PCDHGA3: variants seen among roughly 807,000 people sequenced by gnomAD.
The protein encoded by PCDHGA3 is protocadherin gamma subfamily A, 3.
In PCDHGA3, 40 loss-of-function variants were observed where a neutral mutation model predicts 58.5. The observed-to-expected ratio is 0.68, with a 90% CI of 0.53 to 0.89. The LOEUF is 0.89. Among genes scored for constraint, PCDHGA3 ranks in the 40% least tolerant of loss-of-function variants. PCDHGA3 has a pLI of 0.00. For missense variants in PCDHGA3, 1,223 were observed against 1,195.9 expected (o/e 1.02, Z -0.33); for synonymous variants, 530 against 525.7 (o/e 1.01, Z -0.11).
Position 141,477,464 on chromosome 5 carries a change from A to G in PCDHGA3, c.2425-17343A>G. The G allele has an allele frequency of 1.2e-6, 2 of 1,614,188 alleles. No homozygotes were observed. The highest frequency in any genetic ancestry group is 1.7e-6 in the Non-Finnish European group (2 of 1,180,034). On this transcript the variant is annotated intron_variant, in intron 1 of 3. Coordinates refer to ENST00000253812, the MANE Select transcript of PCDHGA3 (RefSeq NM_018916.4). This position sits in a 1 kb window ranked among gnomAD's most constrained non-coding sequence, Gnocchi z 4.9. ...AATAGTGCGTGTTCAAGTGTCCGAC[A>G]TCAATGACAACCCTCCACAATCTTC...
At chr5:141,420,713 G>T (rs1406572601) in intron 1 of PCDHGA3, among the ~76,000 whole-genome samples, 1 of 152,078 alleles carries the variant, frequency 6.6e-6, no homozygotes, top group African/African-American at 2.4e-5. Flanking sequence ...CAGAAATGTC[G>T]TTCCTTTCAG....
intron 1 of PCDHGA3, chr5:141,398,705 A>G (rs778909536): frequency 6.2e-7 from 1 of 1,613,874 alleles, no homozygotes; most frequent in Admixed American, 1.7e-5. Flanking sequence ...AAATACCCGG[A>G]ACTGGCACTG....
intron 1 of PCDHGA3, chr5:141,403,610 C>T: frequency 6.2e-7 from 1 of 1,613,860 alleles, no homozygotes; most frequent in Non-Finnish European, 8.5e-7. Context: ...TGGCGGCGAG[C>T]CGCGTCGCTC....
At chr5:141,383,967 C>G in intron 1 of PCDHGA3, 1 of 1,613,458 alleles carries the variant, frequency 6.2e-7, no homozygotes, top group Non-Finnish European at 8.5e-7. Context: ...GTAGCTCAAT[C>G]CCTGAAGACA....
chr5:141,385,708 A>C (rs1342579594), intron 1 of PCDHGA3: 1 of 259,588 alleles, frequency 3.9e-6, no homozygotes, highest in Non-Finnish European at 6.2e-6. Context: ...TTAGCATTCA[A>C]ATATGTAAAA....
intron 1 of PCDHGA3, among the ~76,000 whole-genome samples, chr5:141,407,684 G>C (rs2094967978): frequency 6.6e-6 from 1 of 152,094 alleles, no homozygotes; most frequent in South Asian, 2.1e-4. Flanking sequence ...GATTGGCTTT[G>C]TGGTGATCAT....
At chr5:141,360,150 A>T in intron 1 of PCDHGA3, 1 of 1,602,638 alleles carries the variant, frequency 6.2e-7, no homozygotes, top group Admixed American at 1.7e-5. Flanking sequence ...AAGCGAGCTC[A>T]GGGAGGTGCG....
chr5:141,481,676 G>T (rs975849679), intron 1 of PCDHGA3, among the ~76,000 whole-genome samples: 1 of 152,028 alleles, frequency 6.6e-6, no homozygotes, highest in Non-Finnish European at 1.5e-5. Flanking sequence ...AAATCAGGCC[G>T]GGCCTGGTGG....
At position 141,494,788 on chromosome 5, in the gene PCDHGA3, C is replaced by T. The variant is rs2099756942; in HGVS notation, c.2425-19C>T. The T allele has an allele frequency of 6.2e-7, 1 of 1,614,116 alleles. No homozygotes were observed. The highest frequency in any genetic ancestry group is 8.5e-7 in the Non-Finnish European group (1 of 1,180,000). On this transcript the variant is annotated intron_variant, in intron 1 of 3. Transcript: ENST00000253812. ...CTTCTCACGGGTACTCAGCCCCTTTCCCTCTGTTTTCTCCACAGCAAGCCC... is the reference window on the plus strand; with the variant it reads ...CTTCTCACGGGTACTCAGCCCCTTTTCCTCTGTTTTCTCCACAGCAAGCCC...
At chr5:141,372,270 G>A in intron 1 of PCDHGA3, 1 of 1,613,182 alleles carries the variant, frequency 6.2e-7, no homozygotes, top group African/African-American at 1.3e-5. Flanking sequence ...CACGGGTGAG[G>A]TGCGCACGGC....
Position 141,410,699 on chromosome 5 carries a change from A to C in PCDHGA3, c.2424+64242A>C, listed in dbSNP as rs760193148. On this transcript the variant is annotated intron_variant, in intron 1 of 3. Transcript: ENST00000253812. ...ATTTTAGGCATACTACTTTATTTTC[A>C]TATCTAGAATCATATGTTTAAAATC... The C allele has an allele frequency of 2.0e-6, 3 of 1,478,344 alleles. No homozygotes were observed. In the South Asian group the frequency reaches 4.0e-5, roughly 20 times the overall value. The allele number at this position is 1,478,344 out of a possible 1,614,324, so 91.6% of individuals were successfully genotyped here. A position where few individuals can be genotyped will look rare whatever the true frequency, so the allele number is the denominator to read the frequency against.
intron 1 of PCDHGA3, chr5:141,355,109 T>C: frequency 2.0e-6 from 3 of 1,508,382 alleles, no homozygotes; most frequent in Non-Finnish European, 2.7e-6. Context: ...TGGCTGTGAA[T>C]GCACTTTATT....
chr5:141,357,547 G>C, intron 1 of PCDHGA3: 1 of 1,614,214 alleles, frequency 6.2e-7, no homozygotes, highest in Non-Finnish European at 8.5e-7. Flanking sequence ...CATCAGCCGG[G>C]AGAGTTGTGA....
At chr5:141,482,555 T>C (rs1419129474) in intron 1 of PCDHGA3, among the ~76,000 whole-genome samples, 1 of 116,392 alleles carries the variant, frequency 8.6e-6, no homozygotes, top group African/African-American at 3.8e-5. Context: ...AAAAAGATAA[T>C]GGAGATCTGC....
At chr5:141,450,772 C>T (rs544188262) in intron 1 of PCDHGA3, among the ~76,000 whole-genome samples, 1 of 151,944 alleles carries the variant, frequency 6.6e-6, no homozygotes, top group African/African-American at 2.4e-5. Flanking sequence ...CAGGCATGAG[C>T]CACCGTGCCC....
At chr5:141,454,123 C>CT (rs1273558932) in intron 1 of PCDHGA3, among the ~76,000 whole-genome samples, 5 of 152,194 alleles carry the variant, frequency 3.3e-5, no homozygotes, top group Non-Finnish European at 7.3e-5. Flanking sequence ...GAAGAAATAG[C>CT]TGACCATGGG....
chr5:141,360,446 T>C, intron 1 of PCDHGA3: 1 of 1,614,014 alleles, frequency 6.2e-7, no homozygotes, highest in Non-Finnish European at 8.5e-7. Flanking sequence ...CTGTGTGTTC[T>C]GGATTTCGAT....
intron 1 of PCDHGA3, chr5:141,409,205 A>C (rs766592481): frequency 1.2e-6 from 2 of 1,614,068 alleles, no homozygotes; most frequent in Non-Finnish European, 1.7e-6. Flanking sequence ...TAAAGTAATC[A>C]TAGAAATCCT....
At chr5:141,423,177 C>T (rs748689237) in intron 1 of PCDHGA3, 3 of 1,613,430 alleles carry the variant, frequency 1.9e-6, no homozygotes, top group Non-Finnish European at 2.5e-6. Context: ...TCCAGGACCA[C>T]GGCCAGCCCC....
Sources: gnomAD v4.1 joint callset for allele counts (sites outside exome capture counted in the v4.1 genomes callset) on GRCh38, gnomAD v4.1.1 for gene constraint, Gnocchi (gnomAD v3.1) non-coding constraint, MANE v1.5 for transcripts, NCBI Gene and HGNC (gene_info 2026-07-23, HGNC 2026-07-21) for gene names.